The following OTOF variants were observed in gnomAD, a reference collection of about 807,000 sequenced individuals.
The protein encoded by OTOF is otoferlin.
OTOF carries 218 observed loss-of-function variants against 236.8 expected under a neutral mutation model. The observed-to-expected ratio is 0.92, with a 90% CI of 0.82 to 1.03. The LOEUF (loss-of-function observed/expected upper bound fraction) is 1.03, where lower values mean the gene tolerates loss of function less well. Ranked by LOEUF, OTOF falls within the 50% of genes least tolerant of loss-of-function variation. The probability of loss-of-function intolerance (pLI) is 0.00; values close to 1 mark genes in which losing one functional copy is unlikely to be tolerated. For missense variants in OTOF, 2,590 were observed against 2,694.4 expected (o/e 0.96, Z 0.86); for synonymous variants, 1,041 against 1,072.5 (o/e 0.97, Z 0.57).
chr2:26,503,864 G>A lies in OTOF; in HGVS notation c.510-19C>T, dbSNP rs1666182432. On this transcript the variant is annotated intron_variant, in intron 5 of 46. Transcript: ENST00000272371. ...CCCGGCTCTGTGAGGGGGGCCACCAGAATGAGGTGCAGGGAGAGGGACGCA... is the reference window on the plus strand; with the variant it reads ...CCCGGCTCTGTGAGGGGGGCCACCAAAATGAGGTGCAGGGAGAGGGACGCA... The A allele has an allele frequency of 1.1e-5, 17 of 1,611,106 alleles. No individual in the cohort carries two copies. The highest frequency in any genetic ancestry group is 1.4e-5 in the Non-Finnish European group (17 of 1,177,234).
chr2:26,521,028 A>G (rs1397126320), intron 3 of OTOF, among the ~76,000 whole-genome samples: 13 of 152,166 alleles, frequency 8.5e-5, no homozygotes, highest in Admixed American at 7.9e-4. Context: ...GCCATGGCCA[A>G]CTTCAAGCTT....
intron 2 of OTOF, among the ~76,000 whole-genome samples, chr2:26,537,350 C>A (rs1458370555): frequency 6.6e-6 from 1 of 152,204 alleles, no homozygotes; most frequent in African/African-American, 2.4e-5. Context: ...GTCCCCAACA[C>A]TCGCCTGCCT....
intron 18 of OTOF, among the ~76,000 whole-genome samples, chr2:26,478,592 G>T (rs1426325847): frequency 3.3e-5 from 5 of 150,002 alleles, no homozygotes; most frequent in African/African-American, 1.2e-4. Flanking sequence ...TGGGGGGAGA[G>T]GGGTGGGCAG....
At chr2:26,480,159 C>T (rs1665492251) in intron 16 of OTOF, 44 bp downstream of exon 16, 2 of 1,153,362 alleles carry the variant, frequency 1.7e-6, no homozygotes, top group East Asian at 2.3e-5. Flanking sequence ...CCCGTGGGCC[C>T]AGCACTCACC....
intron 3 of OTOF, 137 bp from the exon 4 acceptor site, chr2:26,519,246 T>C (rs1299413859): frequency 1.5e-6 from 1 of 679,214 alleles, no homozygotes; most frequent in Admixed American, 2.1e-5. Context: ...CTGGAGAAGG[T>C]GGCCCAGGAG....
chr2:26,531,128 A>G (rs1156890053), intron 2 of OTOF, among the ~76,000 whole-genome samples: 2 of 152,150 alleles, frequency 1.3e-5, no homozygotes, highest in Non-Finnish European at 2.9e-5. Context: ...CCCAGACAGC[A>G]TTTCCAGCCC....
chr2:26,478,111 C>T (rs1030756346), intron 18 of OTOF: 3 of 1,236,596 alleles, frequency 2.4e-6, no homozygotes, highest in Non-Finnish European at 3.2e-6. Context: ...ATCCTGACGT[C>T]ACTCCAGAAT....
intron 3 of OTOF, 68 bp from the exon 4 acceptor site, chr2:26,519,177 C>T (rs921949686): frequency 4.8e-5 from 52 of 1,077,678 alleles, no homozygotes; most frequent in Non-Finnish European, 6.7e-5. Context: ...GACTGACATC[C>T]CAAGGGCTGT....
chr2:26,476,304 C>T lies in OTOF; in HGVS notation c.2690G>A (p.Arg897Gln), dbSNP rs760896684. 1.6e-5 allele frequency: 26 copies of T among 1,604,204 alleles called. No individual in the cohort carries two copies. The Admixed American group carries it at 3.2e-4, about 20-fold the overall frequency. ...TGTCCAGCCTGCCGAGCCGAAGCCC[C>T]GCTTCCCTGGCAGCTGGGGGTGGGC... ...KTLFLKLPGKRGFGSAGWTVQ... is the reference protein window; with the variant it reads ...KTLFLKLPGKQGFGSAGWTVQ... Residue 897 changes from arginine to glutamine, a missense_variant, in exon 23 of 47, where the codon CGG (arginine) becomes CAG (glutamine). By Grantham distance (43) the Arg-to-Gln change is conservative. Around this residue, in one of 2 missense-constraint regions of OTOF, gnomAD observed 1,379 missense variants for 1,341.6 expected, o/e 1.03. Coordinates refer to ENST00000272371, the MANE Select transcript of OTOF (RefSeq NM_194248.3).
In OTOF at chr2:26,484,647, G is replaced by C. The variant is rs1665657772; in HGVS notation, c.1046-14C>G. On this transcript the variant is annotated splice_polypyrimidine_tract_variant and intron_variant, in intron 11 of 46. Coordinates refer to ENST00000272371, the MANE Select transcript of OTOF (RefSeq NM_194248.3). ...GGAACTGGTGCTCTGCAATGATGAG[G>C]GGTGGGCACTGCACCAGACACCCCC... 1 of 1,613,236 alleles carries C rather than the reference G, an allele frequency of 6.2e-7. No individual in the cohort carries two copies. Among genetic ancestry groups the C allele is most frequent in the African/African-American group, 1.3e-5 (1 of 75,010 alleles).
intron 1 of OTOF, among the ~76,000 whole-genome samples, chr2:26,547,402 A>C (rs11687996): frequency 0.37 from 55,634 of 152,066 alleles, 11,806 homozygotes; most frequent in Admixed American, 0.51. Context: ...ATCTGTGTTC[A>C]TGAGAGATAT....
At chr2:26,498,508 G>A (rs1482540533) in intron 8 of OTOF, among the ~76,000 whole-genome samples, 1 of 152,140 alleles carries the variant, frequency 6.6e-6, no homozygotes, top group Non-Finnish European at 1.5e-5. Flanking sequence ...CTGGGGGAGG[G>A]GCTTGGCCAT....
intron 46 of OTOF, 59 bp downstream of exon 46, chr2:26,459,949 T>G (rs1178891196): frequency 6.9e-7 from 1 of 1,458,766 alleles, no homozygotes; most frequent in East Asian, 2.5e-5. Flanking sequence ...TGTATATGTG[T>G]GTGTGTGCAC....
In OTOF at chr2:26,495,016, C is replaced by A. The variant is rs1411955959; in HGVS notation, c.823G>T (p.Val275Leu). The A allele has an allele frequency of 6.2e-7, 1 of 1,614,184 alleles. No individual in the cohort carries two copies. The highest frequency in any genetic ancestry group is 1.7e-5 in the Admixed American group (1 of 60,034). The change falls in exon 9 of 47, where the codon GTG (valine) becomes TTG (leucine). Residue 275 changes from valine (V) to leucine (L), a missense_variant. Physicochemically the swap from Val to Leu is conservative, Grantham distance 32. Transcript: ENST00000272371. The part of the protein sequence containing the change: ...QLVGLNMDPV[V>L]CVEVGDDKKY... ...TTGTCGTCACCCACCTCCACGCACA[C>A]CACAGGGTCCATGTTCAAGCCCACC... is the stretch of plus-strand genomic sequence containing the variant.
At chr2:26,498,032 A>G (rs779179104) in intron 8 of OTOF, among the ~76,000 whole-genome samples, 1 of 152,238 alleles carries the variant, frequency 6.6e-6, no homozygotes, top group Non-Finnish European at 1.5e-5. Flanking sequence ...GGACAGACAT[A>G]GTTTTGGCAT....
At chr2:26,463,273 C>G (rs1394793306) in intron 41 of OTOF, among the ~76,000 whole-genome samples, 6 of 152,206 alleles carry the variant, frequency 3.9e-5, no homozygotes. Flanking sequence ...CCTGCCTTAG[C>G]ACGTGGGGAC....
chr2:26,542,420 A>G (rs1209665884), intron 1 of OTOF, among the ~76,000 whole-genome samples: 2 of 152,208 alleles, frequency 1.3e-5, no homozygotes, highest in Admixed American at 1.3e-4. Context: ...TATATCAGAC[A>G]TGGAAAATTC....
Position 26,467,099 on chromosome 2 carries a change from C to G in OTOF, c.4362G>C (p.Lys1454Asn). 2 of 1,613,148 alleles carry G rather than the reference C, an allele frequency of 1.2e-6. No homozygotes were observed. Among genetic ancestry groups the G allele is most frequent in the Non-Finnish European group, 1.7e-6 (2 of 1,179,986 alleles). ...TEEERIVGRF[K>N]GSLCVYKVPL... ...GCTGGGCCCGTGCTCCTGGCCTGAC[C>G]TTGAAGCGTCCCACAATGCGCTCCT... Residue 1454 changes from lysine (K) to asparagine (N), a missense_variant and splice_region_variant, in exon 35 of 47, where the codon AAG (lysine) becomes AAC (asparagine). This residue lies in a region of OTOF where 1,211 missense variants were observed against 1,352.8 expected (regional missense o/e 0.90). Coordinates refer to ENST00000272371, the MANE Select transcript of OTOF (RefSeq NM_194248.3).
intron 8 of OTOF, among the ~76,000 whole-genome samples, chr2:26,497,882 T>C (rs1219397237): frequency 1.5e-5 from 2 of 135,006 alleles, no homozygotes; most frequent in Admixed American, 1.4e-4. Flanking sequence ...TAGAAGTCCT[T>C]CTTTGCACAA....
Sources: gnomAD v4.1 joint callset for allele counts (sites outside exome capture counted in the v4.1 genomes callset) on GRCh38, gnomAD v4.1.1 for gene constraint, gnomAD v4.1.1 regional missense constraint, MANE v1.5 for transcripts, NCBI Gene and HGNC (gene_info 2026-07-23, HGNC 2026-07-21) for gene names.